The following EPHA5 variants were observed in gnomAD, a reference collection of about 807,000 sequenced individuals.
EPHA5 encodes EPH receptor A5.
Under a neutral mutation model 105.0 loss-of-function variants are expected in EPHA5, and 60 were observed. That is an observed-to-expected ratio of 0.57 (90% confidence interval 0.46 to 0.71). EPHA5 has a LOEUF of 0.71. EPHA5 is among the 30% of genes least tolerant of loss of function. EPHA5 has a pLI of 0.00. For synonymous variants in EPHA5, 513 were observed against 449.1 expected (o/e 1.14, Z -1.80); for missense variants, 1,218 against 1,274.7 (o/e 0.96, Z 0.68).
intron 3 of EPHA5, among the ~76,000 whole-genome samples, chr4:65,596,160 C>T (rs1743161833): frequency 6.6e-6 from 1 of 152,114 alleles, no homozygotes; most frequent in African/African-American, 2.4e-5. Flanking sequence ...GTATCCAGTC[C>T]ATAAACATAT....
intron 5 of EPHA5, among the ~76,000 whole-genome samples, chr4:65,480,043 G>C (rs189336464): frequency 6.6e-6 from 1 of 151,714 alleles, no homozygotes; most frequent in Non-Finnish European, 1.5e-5. Flanking sequence ...TATTAACTCA[G>C]CCCTCAACAC....
intron 3 of EPHA5, among the ~76,000 whole-genome samples, chr4:65,599,710 A>G (rs1312442383): frequency 1.3e-5 from 2 of 152,328 alleles, no homozygotes; most frequent in Middle Eastern, 6.8e-3. Flanking sequence ...AGTCCAGTTA[A>G]GTAAAGTTTT....
chr4:65,526,123 T>G (rs1735204759), intron 3 of EPHA5, among the ~76,000 whole-genome samples: 1 of 151,938 alleles, frequency 6.6e-6, no homozygotes. Context: ...TTTTCAATGT[T>G]TCATTTATCA....
intron 5 of EPHA5, among the ~76,000 whole-genome samples, chr4:65,482,063 C>T (rs1204681999): frequency 2.6e-5 from 4 of 152,090 alleles, no homozygotes; most frequent in South Asian, 2.1e-4. Context: ...TTTGGGAGGA[C>T]GAGGCAGGTG....
chr4:65,581,800 A>G (rs1309596285), intron 3 of EPHA5, among the ~76,000 whole-genome samples: 6 of 151,794 alleles, frequency 4.0e-5, no homozygotes, highest in Non-Finnish European at 5.9e-5. Flanking sequence ...TAAATGGGCA[A>G]TAACTTGGTT....
chr4:65,404,447 G>A lies in EPHA5; in HGVS notation c.1720C>T (p.Pro574Ser), dbSNP rs1416732153. 4 of 1,613,652 alleles carry A rather than the reference G, an allele frequency of 2.5e-6. No individual in the cohort carries two copies. Among genetic ancestry groups the A allele is most frequent in the Non-Finnish European group, 3.4e-6 (4 of 1,179,804 alleles). Reference sequence around the variant, plus strand: ...ACTGTCACAGACACAGCAATTACAGGAATCTGGCTTTGATCGCTGGATGCT... The same window carrying A: ...ACTGTCACAGACACAGCAATTACAGAAATCTGGCTTTGATCGCTGGATGCT... The part of the protein sequence containing the change: ...VAASSDQSQI[P>S]VIAVSVTVGV... The change falls in exon 8 of 17, where the codon CCT (proline) becomes TCT (serine). Residue 574 changes from proline to serine, a missense_variant. Pro to Ser is a moderately conservative substitution (Grantham distance 74, BLOSUM62 -1). Coordinates refer to ENST00000613740, the MANE Select transcript of EPHA5 (RefSeq NM_001281766.3).
At chr4:65,567,721 T>A (rs1026038452) in intron 3 of EPHA5, among the ~76,000 whole-genome samples, 6 of 151,584 alleles carry the variant, frequency 4.0e-5, no homozygotes, top group Admixed American at 1.3e-4. Context: ...TTAACCAAAG[T>A]GCTTGAGTAG....
intron 2 of EPHA5, among the ~76,000 whole-genome samples, chr4:65,637,976 G>C (rs1004644791): frequency 2.9e-4 from 44 of 151,974 alleles, no homozygotes; most frequent in African/African-American, 7.2e-5. Context: ...CAAATGTATG[G>C]TACATGTATC....
chr4:65,362,045 A>G (rs1408595555), intron 11 of EPHA5, among the ~76,000 whole-genome samples: 1 of 151,698 alleles, frequency 6.6e-6, no homozygotes, highest in Non-Finnish European at 1.5e-5. Flanking sequence ...AAATGAGTCA[A>G]TTAAGCCAAG....
intron 5 of EPHA5, among the ~76,000 whole-genome samples, chr4:65,481,772 A>C (rs928764044): frequency 6.6e-6 from 1 of 152,222 alleles, no homozygotes; most frequent in Non-Finnish European, 1.5e-5. Flanking sequence ...GAACCAAGAA[A>C]GGATTTTAAT....
At chr4:65,652,176 G>T (rs997849048) in intron 1 of EPHA5, among the ~76,000 whole-genome samples, 8 of 151,700 alleles carry the variant, frequency 5.3e-5, no homozygotes, top group African/African-American at 1.9e-4. Flanking sequence ...ATAATATGAG[G>T]CTGTTTCTTT....
chr4:65,434,254 T>G (rs537156410), intron 5 of EPHA5, among the ~76,000 whole-genome samples: 4 of 152,136 alleles, frequency 2.6e-5, no homozygotes, highest in African/African-American at 9.6e-5. Context: ...CAAAATTCCT[T>G]TTTTCCATTT....
chr4:65,326,041 T>TATATCTC (rs1720047672), intron 16 of EPHA5, among the ~76,000 whole-genome samples: 29 of 147,918 alleles, frequency 2.0e-4, no homozygotes, highest in Admixed American at 1.9e-3. Context: ...CATATATATA[T>TATATCTC]GTATATATAT....
At position 65,603,490 on chromosome 4, in the gene EPHA5, T is replaced by C. The variant is rs552864179; in HGVS notation, c.247-1186A>G. On this transcript the variant is annotated intron_variant, in intron 2 of 16. Transcript: ENST00000613740. ...AGTATTGTAGATAAAAAAAACTTCA[T>C]AGACACTCATTTCTTTAGACATGAA... Among the ~76,000 whole-genome samples, 29 of 152,186 alleles carry C rather than the reference T, an allele frequency of 1.9e-4. No homozygotes were observed. The South Asian group carries it at 5.8e-3, about 30-fold the overall frequency.
intron 4 of EPHA5, 30 bp downstream of exon 4, chr4:65,495,358 G>A (rs765933320): frequency 5.0e-6 from 8 of 1,601,218 alleles, no homozygotes; most frequent in South Asian, 3.4e-5. Context: ...GTTAAAGTTA[G>A]CACCACCAAA....
At chr4:65,452,780 A>C (rs1727191872) in intron 5 of EPHA5, among the ~76,000 whole-genome samples, 1 of 152,196 alleles carries the variant, frequency 6.6e-6, no homozygotes, top group South Asian at 2.1e-4. Context: ...TATTCAAAAG[A>C]TTCATAGCTA....
chr4:65,349,203 T>G (rs1156934389), intron 13 of EPHA5, among the ~76,000 whole-genome samples: 1 of 152,086 alleles, frequency 6.6e-6, no homozygotes, highest in African/African-American at 2.4e-5. Flanking sequence ...TCCTCTGTTG[T>G]CTTATTTTGT....
intron 3 of EPHA5, among the ~76,000 whole-genome samples, chr4:65,542,770 A>G (rs1333661088): frequency 3.5e-4 from 1 of 2,846 alleles, no homozygotes; most frequent in Non-Finnish European, 8.3e-4. Flanking sequence ...CACAACAAAG[A>G]AAAAAAAAAC....
At position 65,670,191 on chromosome 4, in the gene EPHA5, G is replaced by GA; in HGVS notation, c.-450dup. The GA allele has an allele frequency of 4.1e-6, 1 of 241,742 alleles. No individual in the cohort carries two copies. Among genetic ancestry groups the GA allele is most frequent in the South Asian group, 1.8e-4 (1 of 5,598 alleles). 15.0% of individuals were successfully genotyped at this position (241,742 alleles called of 1,614,324 possible). A position where few individuals can be genotyped will look rare whatever the true frequency, so the allele number is the denominator to read the frequency against. ...AATCTCCGATTTTTTAAAAAAGGAG[G>GA]AAAAAAGCAGGGTGGCTAAGGATAA... On this transcript the variant is annotated 5_prime_UTR_variant, in exon 1 of 17. Coordinates refer to ENST00000613740, the MANE Select transcript of EPHA5 (RefSeq NM_001281766.3).
Sources: gnomAD v4.1 joint callset for allele counts (sites outside exome capture counted in the v4.1 genomes callset) on GRCh38, gnomAD v4.1.1 for gene constraint, MANE v1.5 for transcripts, NCBI Gene and HGNC (gene_info 2026-07-23, HGNC 2026-07-21) for gene names.